Variants in KIF13B observed in about 807,000 individuals in gnomAD.
KIF13B encodes kinesin-like protein KIF13B.
In KIF13B, 127 loss-of-function variants were observed where a neutral mutation model predicts 222.0. That is an observed-to-expected ratio of 0.57 (90% CI 0.50 to 0.66). The LOEUF (loss-of-function observed/expected upper bound fraction) is 0.66. Ranked by LOEUF, KIF13B falls within the 30% of genes least tolerant of loss-of-function variation. KIF13B has a pLI of 0.00. For synonymous variants in KIF13B, 976 were observed against 919.0 expected, an observed-to-expected ratio of 1.06 and a Z score of -1.12; for missense variants, 2,173 against 2,379.0, an observed-to-expected ratio of 0.91 and a Z score of 1.80.
At chr8:29,185,490 G>A (rs983701030) in intron 6 of KIF13B, among the ~76,000 whole-genome samples, 3 of 152,214 alleles carry the variant, frequency 2.0e-5, no homozygotes, top group Non-Finnish European at 4.4e-5. Context: ...AGTTTGTACA[G>A]AAGCACTGAG....
At chr8:29,247,883 G>T (rs1816104528) in intron 1 of KIF13B, among the ~76,000 whole-genome samples, 1 of 148,694 alleles carries the variant, frequency 6.7e-6, no homozygotes, top group South Asian at 2.1e-4. Context: ...TTTTAAATAG[G>T]CAAAGGATCT....
intron 2 of KIF13B, among the ~76,000 whole-genome samples, chr8:29,201,852 C>A (rs1813707245): frequency 6.6e-6 from 1 of 152,134 alleles, no homozygotes; most frequent in Non-Finnish European, 1.5e-5. Context: ...TGATTTTTTT[C>A]TTTGTCACTC....
At chr8:29,104,413 G>A (rs946566578) in intron 35 of KIF13B, among the ~76,000 whole-genome samples, 7 of 151,962 alleles carry the variant, frequency 4.6e-5, no homozygotes, top group East Asian at 3.9e-4. Context: ...TGTGTCTCTC[G>A]TCATCTCTCT....
intron 37 of KIF13B, among the ~76,000 whole-genome samples, chr8:29,090,162 G>T (rs1262211580): frequency 6.6e-6 from 1 of 152,152 alleles, no homozygotes; most frequent in Non-Finnish European, 1.5e-5. Context: ...AAAGAAGAAC[G>T]AAGATTCAAG....
chr8:29,170,575 G>A (rs1439047477), intron 10 of KIF13B, among the ~76,000 whole-genome samples: 1 of 152,188 alleles, frequency 6.6e-6, no homozygotes, highest in Non-Finnish European at 1.5e-5. Flanking sequence ...CATCACCCAG[G>A]TAAAGGGAGA....
intron 21 of KIF13B, among the ~76,000 whole-genome samples, chr8:29,135,281 G>C (rs760930189): frequency 1.3e-5 from 2 of 152,112 alleles, no homozygotes; most frequent in Non-Finnish European, 2.9e-5. Flanking sequence ...CTGAGCTCAA[G>C]TGATCCTCCT....
In KIF13B at chr8:29,158,484, A is replaced by C. The variant is rs905280930; in HGVS notation, c.1404+2249T>G. On this transcript the variant is annotated intron_variant, in intron 13 of 39. Transcript: ENST00000524189. ...GGGTGTTATATTCTAGAAGACTAAG[A>C]GAACTGTACAGCTGGAACTAGAAAG... Among the ~76,000 whole-genome samples, 11 of 152,226 alleles carry C rather than the reference A, an allele frequency of 7.2e-5. 1 individual carries two copies. Among genetic ancestry groups the C allele is most frequent in the Admixed American group, 2.0e-4 (3 of 15,282 alleles).
intron 37 of KIF13B, among the ~76,000 whole-genome samples, chr8:29,077,047 A>G (rs1807597531): frequency 6.6e-6 from 1 of 152,198 alleles, no homozygotes; most frequent in Non-Finnish European, 1.5e-5. Flanking sequence ...TTACACTGCA[A>G]CCACTAGGGA....
chr8:29,128,766 A>T (rs571312551), intron 24 of KIF13B, among the ~76,000 whole-genome samples: 1 of 152,362 alleles, frequency 6.6e-6, no homozygotes, highest in South Asian at 2.1e-4. Flanking sequence ...ACTATTAGAC[A>T]GAACTTCCTG....
chr8:29,090,772 T>G (rs1000699115), intron 37 of KIF13B, among the ~76,000 whole-genome samples: 1 of 152,210 alleles, frequency 6.6e-6, no homozygotes, highest in Non-Finnish European at 1.5e-5. Flanking sequence ...TGCAGTGGCA[T>G]GATCTTGGCT....
chr8:29,144,027 C>G (rs1040173473), intron 18 of KIF13B, among the ~76,000 whole-genome samples: 2 of 149,888 alleles, frequency 1.3e-5, no homozygotes, highest in African/African-American at 4.9e-5. Flanking sequence ...TTTTAAAAAA[C>G]CACAAAGTTA....
chr8:29,133,348 G>C (rs548549008), intron 22 of KIF13B, among the ~76,000 whole-genome samples: 69 of 152,308 alleles, frequency 4.5e-4, no homozygotes, highest in Middle Eastern at 3.4e-3. Flanking sequence ...CAGCACTTTG[G>C]GAGGCTGAGG....
chr8:29,191,088 G>A, intron 3 of KIF13B, 31 bp from the exon 4 acceptor site: 2 of 1,539,608 alleles, frequency 1.3e-6, no homozygotes, highest in Non-Finnish European at 1.8e-6. Context: ...TGTGTGTTAA[G>A]AAAACCTCAA....
At chr8:29,102,299 T>C (rs1402471967) in intron 35 of KIF13B, among the ~76,000 whole-genome samples, 1 of 152,126 alleles carries the variant, frequency 6.6e-6, no homozygotes, top group African/African-American at 2.4e-5. Context: ...AAAAGATAAA[T>C]CTCTGATCTG....
intron 2 of KIF13B, among the ~76,000 whole-genome samples, chr8:29,223,960 GGATTAC>G (rs1281595328): frequency 6.6e-6 from 1 of 151,604 alleles, no homozygotes; most frequent in Non-Finnish European, 1.5e-5. Flanking sequence ...CAAAGTGTTG[GGATTAC>G]AGGCGTGAGC....
At chr8:29,137,246 G>A (rs771448325) in intron 21 of KIF13B, among the ~76,000 whole-genome samples, 5 of 152,124 alleles carry the variant, frequency 3.3e-5, no homozygotes, top group Non-Finnish European at 7.3e-5. Flanking sequence ...CTGAACTCTC[G>A]CCTATGGGCA....
chr8:29,144,478 G>A (rs1159957688), intron 18 of KIF13B, among the ~76,000 whole-genome samples: 4 of 151,982 alleles, frequency 2.6e-5, no homozygotes, highest in Admixed American at 6.6e-5. Context: ...GGCTGGTCTC[G>A]AACTCCTGAC....
intron 13 of KIF13B, among the ~76,000 whole-genome samples, chr8:29,158,513 T>G (rs1475321555): frequency 1.3e-5 from 2 of 152,190 alleles, no homozygotes; most frequent in African/African-American, 4.8e-5. Context: ...TAGAAAGAAC[T>G]TTGGAGATGT....
chr8:29,090,197 A>T (rs1419382337), intron 37 of KIF13B, among the ~76,000 whole-genome samples: 1 of 152,180 alleles, frequency 6.6e-6, no homozygotes, highest in African/African-American at 2.4e-5. Context: ...ACTGCAGGGC[A>T]CTGTGAGCCA....
Sources: gnomAD v4.1 joint callset for allele counts (sites outside exome capture counted in the v4.1 genomes callset) on GRCh38, gnomAD v4.1.1 for gene constraint, MANE v1.5 for transcripts, NCBI Gene and HGNC (gene_info 2026-07-23, HGNC 2026-07-21) for gene names.